The following SH3RF2 variants were observed in gnomAD, a reference collection of about 807,000 sequenced individuals.
SH3RF2 encodes the protein SH3 domain containing ring finger 2, also known as E3 ubiquitin-protein ligase SH3RF2.
SH3RF2 carries 43 observed loss-of-function variants against 59.0 expected under a neutral mutation model. The observed-to-expected ratio is 0.73, with a 90% CI of 0.57 to 0.94. The LOEUF (loss-of-function observed/expected upper bound fraction) is 0.94, where lower values mean the gene tolerates loss of function less well. Ranked by LOEUF, SH3RF2 falls within the 40% of genes least tolerant of loss-of-function variation. The pLI is 0.00. For synonymous variants in SH3RF2, 391 were observed against 391.5 expected, an observed-to-expected ratio of 1.00 and a Z score of 0.01; for missense variants, 930 against 940.1, an observed-to-expected ratio of 0.99 and a Z score of 0.14.
intron 4 of SH3RF2, among the ~76,000 whole-genome samples, chr5:146,013,434 G>T (rs1469304775): frequency 6.6e-6 from 1 of 152,180 alleles, no homozygotes; most frequent in Non-Finnish European, 1.5e-5. Context: ...AGAAATGACT[G>T]GGGAAAATGG....
exon 10 of SH3RF2, chr5:146,080,366 C>G (rs1763402943): frequency 6.6e-6 from 1 of 152,106 alleles, no homozygotes; most frequent in Non-Finnish European, 1.5e-5. Context: ...ACTTGTGTCT[C>G]TGCTTATTTT....
At chr5:146,030,079 G>A (rs190742799) in intron 5 of SH3RF2, among the ~76,000 whole-genome samples, 1 of 152,250 alleles carries the variant, frequency 6.6e-6, no homozygotes, top group Admixed American at 6.5e-5. Flanking sequence ...TGAGTATAGG[G>A]CAACTCTGAG....
rs111842952 is a variant in SH3RF2 at position 146,009,609 on chromosome 5, C to G, written c.745-4138C>G. On this transcript the variant is annotated intron_variant, in intron 4 of 9. Transcript: ENST00000359120. Reference sequence around the variant, plus strand: ...AGTGGCTGCCTCCCCCAGTCACTCTCTATCATGTCAGAGCACTTATAACTA... The same window carrying G: ...AGTGGCTGCCTCCCCCAGTCACTCTGTATCATGTCAGAGCACTTATAACTA... 1.1e-4 allele frequency among the ~76,000 whole-genome samples: 16 copies of G among 152,324 alleles called. 3 individuals are homozygous for G. The highest frequency in any genetic ancestry group is 3.8e-4 in the African/African-American group (16 of 41,586).
At chr5:146,064,866 G>GAAAGAAAGAAAGAAAGAAAGAAAGAA (rs1561773964), downstream of SH3RF2, among the ~76,000 whole-genome samples, 1 of 83,988 alleles carries the variant, frequency 1.2e-5, no homozygotes, top group African/African-American at 3.8e-5. Flanking sequence ...GAAAGAAAGA[G>GAAAGAAAGAAAGAAAGAAAGAAAGAA]AAAGAAAAAG....
chr5:146,057,930 C>CTG (rs1416257508), intron 8 of SH3RF2, among the ~76,000 whole-genome samples: 3 of 90,062 alleles, frequency 3.3e-5, no homozygotes, highest in Admixed American at 3.3e-4. Context: ...CTGTTAGTGT[C>CTG]TCTCTCTCTC....
chr5:146,056,260 G>A, intron 8 of SH3RF2, 47 bp downstream of exon 8: 1 of 1,612,632 alleles, frequency 6.2e-7, no homozygotes, highest in African/African-American at 1.3e-5. Flanking sequence ...GTGATGGGGG[G>A]AATCTGACCC....
At position 146,056,611 on chromosome 5, in the gene SH3RF2, G is replaced by T. The variant is rs148806387; in HGVS notation, c.1555+398G>T. 9.2e-5 allele frequency among the ~76,000 whole-genome samples: 14 copies of T among 152,332 alleles called. No homozygotes were observed. The East Asian group carries it at 2.7e-3, about 29-fold the overall frequency. The stretch of plus-strand genomic sequence containing the variant: ...CAGAAGAATGGGGTGGATGGGCAGG[G>T]CGTGGGAGTAGGAAATGAGGATTAA... On this transcript the variant is annotated intron_variant, in intron 8 of 9. Coordinates refer to ENST00000359120, the MANE Select transcript of SH3RF2 (RefSeq NM_152550.4).
At chr5:145,940,877 A>G (rs749532630) in intron 2 of SH3RF2, among the ~76,000 whole-genome samples, 1 of 152,222 alleles carries the variant, frequency 6.6e-6, no homozygotes, top group Admixed American at 6.5e-5. Flanking sequence ...GACATTTGGA[A>G]GATCATTATC....
In SH3RF2 at chr5:146,062,835, A is replaced by G; in HGVS notation, c.*134A>G. The G allele has an allele frequency of 7.8e-7, 1 of 1,285,998 alleles. No homozygotes were observed. Among genetic ancestry groups the G allele is most frequent in the Non-Finnish European group, 1.0e-6 (1 of 956,858 alleles). 79.7% of individuals were successfully genotyped at this position (1,285,998 alleles called of 1,614,324 possible). ...TGTTCTTCCTATTTCACCTCCAGGAAAGCAAAAGTGGGAGCAGAAATTCCT... is the reference window on the plus strand; with the variant it reads ...TGTTCTTCCTATTTCACCTCCAGGAGAGCAAAAGTGGGAGCAGAAATTCCT... On this transcript the variant is annotated 3_prime_UTR_variant, in exon 10 of 10. Transcript: ENST00000359120.
At chr5:146,024,794 TTACTG>T (rs1396908709) in intron 5 of SH3RF2, among the ~76,000 whole-genome samples, 13 of 152,220 alleles carry the variant, frequency 8.5e-5, no homozygotes, top group African/African-American at 3.1e-4. Flanking sequence ...CCAGCATCAT[TTACTG>T]AAAAAGACTA....
chr5:146,066,271 C>T (rs76492097), downstream of SH3RF2, among the ~76,000 whole-genome samples: 6,197 of 152,310 alleles, frequency 0.041, 345 homozygotes, highest in African/African-American at 0.13. Flanking sequence ...GAGCCTAGAA[C>T]GCTCGGCTGC....
chr5:145,946,026 T>A (rs1757994837), intron 2 of SH3RF2, among the ~76,000 whole-genome samples: 1 of 152,184 alleles, frequency 6.6e-6, no homozygotes, highest in South Asian at 2.1e-4. Context: ...AGCAAGAACA[T>A]CCAAAGCAAG....
chr5:145,947,574 C>A (rs922323521), intron 2 of SH3RF2, among the ~76,000 whole-genome samples: 2 of 152,120 alleles, frequency 1.3e-5, no homozygotes, highest in African/African-American at 4.8e-5. Context: ...TCATGCCCAC[C>A]ACAGTTGGAC....
chr5:146,070,191 C>G (rs1763203108), intron 9 of SH3RF2, among the ~76,000 whole-genome samples: 1 of 152,160 alleles, frequency 6.6e-6, no homozygotes, highest in South Asian at 2.1e-4. Flanking sequence ...GCAATAAGGA[C>G]TAGAACCCAG....
chr5:146,033,573 C>A (rs1359028482), intron 5 of SH3RF2, among the ~76,000 whole-genome samples: 1 of 148,422 alleles, frequency 6.7e-6, no homozygotes, highest in East Asian at 2.1e-4. Flanking sequence ...CAGGTTCAAG[C>A]CATTCTCCTG....
chr5:146,079,112 TAA>T (rs1226222486), exon 10 of SH3RF2: 1 of 152,012 alleles, frequency 6.6e-6, no homozygotes, highest in Non-Finnish European at 1.5e-5. Context: ...ACCTGGTACA[TAA>T]AGAGTCTCAG....
intron 4 of SH3RF2, among the ~76,000 whole-genome samples, chr5:146,006,381 A>G (rs1253113531): frequency 6.6e-6 from 1 of 152,156 alleles, no homozygotes; most frequent in Non-Finnish European, 1.5e-5. Context: ...TGATTGTGCC[A>G]CTATACTCTA....
At chr5:146,064,838 AAGAAAGAAAGAAAGAAAGAAAGAAAG>A (rs1375662840), downstream of SH3RF2, among the ~76,000 whole-genome samples, 174 of 14,992 alleles carry the variant, frequency 0.012, 10 homozygotes, top group East Asian at 0.12. Context: ...GAAAGAAAGA[AAGAAAGAAAGAAAGAAAGAAAGAAAG>A]AGAAAGAAAA....
intron 2 of SH3RF2, among the ~76,000 whole-genome samples, chr5:145,955,485 C>T (rs567169653): frequency 1.2e-4 from 19 of 152,234 alleles, no homozygotes; most frequent in East Asian, 1.9e-4. Flanking sequence ...CAGGATCATT[C>T]GCGCCCTAAA....
Sources: gnomAD v4.1 joint callset for allele counts (sites outside exome capture counted in the v4.1 genomes callset) on GRCh38, gnomAD v4.1.1 for gene constraint, MANE v1.5 for transcripts, NCBI Gene and HGNC (gene_info 2026-07-23, HGNC 2026-07-21) for gene names.